Variants in CFAP69 observed in about 807,000 individuals in gnomAD.
The protein encoded by CFAP69 is cilia- and flagella-associated protein 69.
A neutral mutation model predicts 123.0 loss-of-function variants in CFAP69; 92 were observed. The observed-to-expected ratio is 0.75, with a 90% CI of 0.63 to 0.89. CFAP69 has a LOEUF of 0.89. Among genes scored for constraint, CFAP69 ranks in the 40% least tolerant of loss-of-function variants. CFAP69 has a pLI of 0.00. For missense variants in CFAP69, 1,067 were observed against 1,096.9 expected, an observed-to-expected ratio of 0.97 and a Z score of 0.39; for synonymous variants, 380 against 364.3, an observed-to-expected ratio of 1.04 and a Z score of -0.49.
intron 17 of CFAP69, 121 bp downstream of exon 17, chr7:90,300,180 T>C: frequency 1.6e-6 from 2 of 1,218,680 alleles, no homozygotes; most frequent in Non-Finnish European, 2.1e-6. Context: ...TTTTTTTTTT[T>C]ACAAGGGTTT....
At chr7:90,274,783 T>A (rs1202021610) in intron 9 of CFAP69, among the ~76,000 whole-genome samples, 1 of 152,220 alleles carries the variant, frequency 6.6e-6, no homozygotes, top group East Asian at 1.9e-4. Context: ...TTCGAAATGA[T>A]GTGCTAAGGT....
intron 12 of CFAP69, 27 bp downstream of exon 12, chr7:90,279,920 A>C (rs751447396): frequency 4.6e-6 from 7 of 1,511,984 alleles, no homozygotes; most frequent in Non-Finnish European, 6.2e-6. Flanking sequence ...GATTCTTGTC[A>C]AAATTCTAAT....
chr7:90,299,426 C>T (rs1241229313), intron 16 of CFAP69, among the ~76,000 whole-genome samples: 2 of 152,020 alleles, frequency 1.3e-5, no homozygotes, highest in Non-Finnish European at 2.9e-5. Context: ...TTTGCAGTTA[C>T]CATCAGTTAC....
At chr7:90,297,501 G>T (rs902969613) in intron 15 of CFAP69, among the ~76,000 whole-genome samples, 1 of 152,136 alleles carries the variant, frequency 6.6e-6, no homozygotes, top group Non-Finnish European at 1.5e-5. Context: ...AAAGGAGAAT[G>T]TTTTATTTGT....
At chr7:90,267,281 C>T (rs1799276446) in intron 5 of CFAP69, among the ~76,000 whole-genome samples, 1 of 152,204 alleles carries the variant, frequency 6.6e-6, no homozygotes, top group Non-Finnish European at 1.5e-5. Context: ...CCACTTGCCA[C>T]CCCACTTGCT....
At chr7:90,258,853 G>GTT (rs1797963770) in intron 3 of CFAP69, among the ~76,000 whole-genome samples, 1 of 152,118 alleles carries the variant, frequency 6.6e-6, no homozygotes, top group Non-Finnish European at 1.5e-5. Flanking sequence ...GATAATGTCA[G>GTT]TTTTTGTCGA....
In CFAP69 at chr7:90,306,999, A is replaced by G. The variant is rs758952513; in HGVS notation, c.2364A>G (p.Ala788=). 1 of 1,612,526 alleles carries G rather than the reference A, an allele frequency of 6.2e-7. No individual in the cohort carries two copies. Among genetic ancestry groups the G allele is most frequent in the African/African-American group, 1.3e-5 (1 of 74,992 alleles). ...DKKALEAITT[A]SENIGKMVAS... is the part of the protein sequence containing the mutation. The stretch of plus-strand genomic sequence containing the variant: ...AAGCTTTGGAAGCTATTACAACAGC[A>G]TCAGAAAATATTGGAAAGATGGTTG... The change falls in exon 20 of 23, where the codon GCA becomes GCG. Residue 788 remains alanine, a synonymous_variant. Transcript: ENST00000389297.
At position 90,272,916 on chromosome 7, in the gene CFAP69, A is replaced by G. The variant is rs1800166984; in HGVS notation, c.860+958A>G. The stretch of plus-strand genomic sequence containing the variant: ...TGTTCCACAGTGATTTATTAGTGCC[A>G]AAAGAAAAAATGCTCTGACTGGCGA... On this transcript the variant is annotated intron_variant, in intron 8 of 22. Coordinates refer to ENST00000389297, the MANE Select transcript of CFAP69 (RefSeq NM_001039706.3). Among the ~76,000 whole-genome samples the G allele has an allele frequency of 3.9e-5, 6 of 152,202 alleles. No individual in the cohort carries two copies. In the South Asian group the frequency reaches 1.2e-3, roughly 32 times the overall value.
chr7:90,272,028 C>T (rs1432920682), intron 8 of CFAP69, 70 bp downstream of exon 8: 1 of 1,379,576 alleles, frequency 7.2e-7, no homozygotes, highest in East Asian at 2.4e-5. Flanking sequence ...TAACTAACAT[C>T]TTTGTTTGAA....
At chr7:90,289,944 G>A (rs546595620) in intron 15 of CFAP69, among the ~76,000 whole-genome samples, 2 of 152,210 alleles carry the variant, frequency 1.3e-5, no homozygotes, top group South Asian at 4.1e-4. Flanking sequence ...CTATTTCTAG[G>A]CTTTCTGTGC....
intron 12 of CFAP69, 107 bp downstream of exon 12, chr7:90,280,000 G>A: frequency 1.2e-6 from 1 of 814,752 alleles, no homozygotes; most frequent in Non-Finnish European, 1.8e-6. Flanking sequence ...GCAATGAGAA[G>A]TAAAAACACA....
At chr7:90,302,681 G>A (rs1412726085) in intron 17 of CFAP69, 1 of 152,054 alleles carries the variant, frequency 6.6e-6, no homozygotes, top group Admixed American at 6.6e-5. Context: ...ATTGAACTGT[G>A]TCTGTTTTTG....
At chr7:90,267,650 G>C (rs1425087966) in intron 5 of CFAP69, among the ~76,000 whole-genome samples, 1 of 152,162 alleles carries the variant, frequency 6.6e-6, no homozygotes, top group Admixed American at 6.6e-5. Context: ...ATGTGGGGCA[G>C]CTGCTTAAAA....
Position 90,310,445 on chromosome 7 carries a change from A to G in CFAP69, c.*207A>G, listed in dbSNP as rs1794213648. On this transcript the variant is annotated 3_prime_UTR_variant, in exon 23 of 23. Coordinates refer to ENST00000389297, the MANE Select transcript of CFAP69 (RefSeq NM_001039706.3). ...GAAGAGTTGTCATCAGTTTCTTTGG[A>G]AAGGCTACCAATTTTACTAAGTGAA... 1 of 292,620 alleles carries G rather than the reference A, an allele frequency of 3.4e-6. No individual in the cohort carries two copies. Among genetic ancestry groups the G allele is most frequent in the African/African-American group, 2.2e-5 (1 of 45,364 alleles). The allele number at this position is 292,620 out of a possible 1,614,324, so 18.1% of individuals were successfully genotyped here.
At chr7:90,265,474 C>A in intron 5 of CFAP69, 97 bp downstream of exon 5, 2 of 741,358 alleles carry the variant, frequency 2.7e-6, no homozygotes, top group Non-Finnish European at 2.3e-6. Flanking sequence ...TAAGAGGACT[C>A]CTTCTCCATG....
chr7:90,298,491 C>T (rs909720180), intron 16 of CFAP69, among the ~76,000 whole-genome samples: 3 of 152,048 alleles, frequency 2.0e-5, no homozygotes, highest in South Asian at 2.1e-4. Flanking sequence ...AGTTCTAGCC[C>T]GCTCCCTGTC....
At chr7:90,272,514 G>A (rs1800099646) in intron 8 of CFAP69, among the ~76,000 whole-genome samples, 1 of 152,080 alleles carries the variant, frequency 6.6e-6, no homozygotes, top group Admixed American at 6.6e-5. Context: ...ACAGATTATT[G>A]TAAGATGCTA....
At chr7:90,283,565 T>C (rs1422148208) in intron 13 of CFAP69, among the ~76,000 whole-genome samples, 2 of 152,128 alleles carry the variant, frequency 1.3e-5, no homozygotes, top group Admixed American at 6.6e-5. Context: ...ATCATAGAAA[T>C]ACTGCATGTG....
chr7:90,286,264 A>T lies in CFAP69; in HGVS notation c.1538-17A>T. The T allele has an allele frequency of 6.3e-7, 1 of 1,578,480 alleles. No individual in the cohort carries two copies. The highest frequency in any genetic ancestry group is 8.6e-7 in the Non-Finnish European group (1 of 1,157,624). On this transcript the variant is annotated splice_polypyrimidine_tract_variant and intron_variant, in intron 13 of 22. Coordinates refer to ENST00000389297, the MANE Select transcript of CFAP69 (RefSeq NM_001039706.3). The stretch of plus-strand genomic sequence containing the variant: ...AGTGTCCAATAACTATACAGTCTTT[A>T]AATGTTTTCATACCAGGAATCTTTA...
Sources: gnomAD v4.1 joint callset for allele counts (sites outside exome capture counted in the v4.1 genomes callset) on GRCh38, gnomAD v4.1.1 for gene constraint, MANE v1.5 for transcripts, NCBI Gene and HGNC (gene_info 2026-07-23, HGNC 2026-07-21) for gene names.